AKNA: variants seen among roughly 807,000 people sequenced by gnomAD.
The protein encoded by AKNA is AT-hook transcription factor, also known as microtubule organization protein AKNA.
A neutral mutation model predicts 138.8 loss-of-function variants in AKNA; 67 were observed. The observed-to-expected ratio is 0.48, with a 90% CI of 0.40 to 0.59. The LOEUF is 0.59. Among genes scored for constraint, AKNA ranks in the 20% least tolerant of loss-of-function variants. The pLI is 0.00. For missense variants in AKNA, 1,813 were observed against 1,880.4 expected (o/e 0.96, Z 0.66); for synonymous variants, 737 against 754.4 (o/e 0.98, Z 0.38).
chr9:114,373,314 C>G (rs1051752083), intron 4 of AKNA, among the ~76,000 whole-genome samples: 1 of 152,174 alleles, frequency 6.6e-6, no homozygotes, highest in Non-Finnish European at 1.5e-5. Context: ...GTGGGTTCCC[C>G]CTCTGCTCTC....
At chr9:114,382,313 A>G (rs1044735868) in intron 1 of AKNA, among the ~76,000 whole-genome samples, 4 of 152,152 alleles carry the variant, frequency 2.6e-5, no homozygotes, top group Non-Finnish European at 5.9e-5. Context: ...ATTCCAGGCC[A>G]GGTAGGAGAG....
chr9:114,346,045 G>C (rs1830662557), intron 17 of AKNA, 36 bp from the exon 18 acceptor site: 2 of 1,602,092 alleles, frequency 1.2e-6, no homozygotes, highest in South Asian at 2.2e-5. Context: ...GAGGGGGCAA[G>C]GGGTGGGGGT....
chr9:114,338,298 T>C (rs1041402789), intron 21 of AKNA, among the ~76,000 whole-genome samples: 6 of 152,228 alleles, frequency 3.9e-5, no homozygotes, highest in Admixed American at 6.5e-5. Context: ...CATGAAAAGA[T>C]GCATATCCTT....
intron 1 of AKNA, among the ~76,000 whole-genome samples, chr9:114,382,508 G>C (rs543010157): frequency 6.6e-6 from 1 of 151,566 alleles, no homozygotes; most frequent in East Asian, 1.9e-4. Flanking sequence ...ACTTAAGCCC[G>C]GGAGGTCGAA....
At chr9:114,354,869 CTTT>C (rs951126529) in intron 14 of AKNA, among the ~76,000 whole-genome samples, 180 of 133,692 alleles carry the variant, frequency 1.3e-3, no homozygotes, top group African/African-American at 4.9e-3. Context: ...CTATACGGTA[CTTT>C]TTTTTTTTTT....
chr9:114,362,565 T>C (rs747516606), intron 7 of AKNA, 32 bp from the exon 8 acceptor site: 2 of 1,607,754 alleles, frequency 1.2e-6, no homozygotes, highest in Non-Finnish European at 1.7e-6. Flanking sequence ...AAGACTTGAG[T>C]GCTCAGTCCC....
rs377039831 is a variant in AKNA, at chr9:114,377,087, G to A, written c.720C>T (p.Ser240=). Reference sequence around the variant, plus strand: ...TGCCATCTGGGCTTAGGAGGTGGTGGCTGGGGCCCTCTGGCAAGGTTTCTG... The same window carrying A: ...TGCCATCTGGGCTTAGGAGGTGGTGACTGGGGCCCTCTGGCAAGGTTTCTG... ...ALAETLPEGP[S]HHLLSPDGRT... The change falls in exon 3 of 22, where the codon AGC becomes AGT. Residue 240 remains serine (S), a synonymous_variant. Coordinates refer to ENST00000374088, the MANE Select transcript of AKNA (RefSeq NM_001317950.2). 1.7e-4 allele frequency: 277 copies of A among 1,614,112 alleles called. 2 individuals are homozygous for A. Among genetic ancestry groups the A allele is most frequent in the Middle Eastern group, 3.3e-4 (2 of 6,062 alleles).
intron 15 of AKNA, chr9:114,348,982 T>C (rs1830909260): frequency 6.6e-6 from 3 of 456,300 alleles, no homozygotes; most frequent in African/African-American, 4.0e-5. Context: ...TGGAGGCCTC[T>C]TCCTGGCTGT....
At chr9:114,355,705 G>A (rs142049126) in intron 14 of AKNA, among the ~76,000 whole-genome samples, 20 of 152,204 alleles carry the variant, frequency 1.3e-4, no homozygotes, top group African/African-American at 3.9e-4. Flanking sequence ...CATTTATATC[G>A]GCACAGAGAA....
chr9:114,362,813 G>A, intron 7 of AKNA, among the ~76,000 whole-genome samples: 1 of 152,150 alleles, frequency 6.6e-6, no homozygotes. Context: ...AGACTTACAA[G>A]GACCCCAATG....
chr9:114,390,545 T>A (rs1675659984), upstream of AKNA, among the ~76,000 whole-genome samples: 2 of 152,208 alleles, frequency 1.3e-5, no homozygotes, highest in Admixed American at 1.3e-4. Context: ...TGGATCGGCC[T>A]TGCCTGGAAA....
upstream of AKNA, among the ~76,000 whole-genome samples, chr9:114,397,090 C>G (rs4979377): frequency 0.42 from 63,133 of 152,002 alleles, 14,168 homozygotes; most frequent in Middle Eastern, 0.53. Context: ...CAGCCCCAAT[C>G]ACATGTTTTA....
At chr9:114,387,436 G>A (rs976887079) in intron 1 of AKNA, among the ~76,000 whole-genome samples, 2 of 152,292 alleles carry the variant, frequency 1.3e-5, no homozygotes, top group African/African-American at 2.4e-5. Flanking sequence ...TTGCTCTTAC[G>A]CAGCTGGCAT....
chr9:114,369,878 A>G (rs112183758), intron 4 of AKNA, among the ~76,000 whole-genome samples: 4,275 of 152,210 alleles, frequency 0.028, 206 homozygotes, highest in African/African-American at 0.098. Context: ...CATTACCGTC[A>G]TCATCATAAC....
chr9:114,379,887 G>A (rs2763189), intron 2 of AKNA, among the ~76,000 whole-genome samples: 4,870 of 152,200 alleles, frequency 0.032, 235 homozygotes, highest in African/African-American at 0.11. Flanking sequence ...ATGACGGCTC[G>A]CATCTGTAAT....
At chr9:114,397,796 C>T (rs1199639547), upstream of AKNA, among the ~76,000 whole-genome samples, 1 of 152,156 alleles carries the variant, frequency 6.6e-6, no homozygotes, top group Non-Finnish European at 1.5e-5. Context: ...TTTTGCAGCC[C>T]GTTCAGTTCC....
chr9:114,392,453 T>C (rs1834382986), upstream of AKNA, among the ~76,000 whole-genome samples: 1 of 152,230 alleles, frequency 6.6e-6, no homozygotes, highest in Admixed American at 6.5e-5. Context: ...ATGTTCTCCC[T>C]TGGAAGCTGT....
At chr9:114,355,523 C>A (rs1282989922) in intron 14 of AKNA, among the ~76,000 whole-genome samples, 2 of 152,218 alleles carry the variant, frequency 1.3e-5, no homozygotes, top group Admixed American at 6.5e-5. Flanking sequence ...TTTGTTTCCA[C>A]CAGCATCACC....
downstream of AKNA, chr9:114,331,481 C>T (rs1392813954): frequency 9.1e-6 from 10 of 1,098,834 alleles, no homozygotes; most frequent in Middle Eastern, 2.2e-4. Context: ...TTTGTGGCCC[C>T]GGACACACCT....
Sources: allele counts gnomAD v4.1 joint callset (sites outside exome capture counted in the v4.1 genomes callset), GRCh38; gene constraint gnomAD v4.1.1; transcripts MANE v1.5; gene names NCBI Gene and HGNC (gene_info 2026-07-23, HGNC 2026-07-21).